The following AMPH variants were observed in gnomAD, a reference collection of about 807,000 sequenced individuals.
AMPH encodes amphiphysin.
Under a neutral mutation model 99.1 loss-of-function variants are expected in AMPH, and 49 were observed. The ratio of observed to expected loss-of-function variants is 0.49; its 90% confidence interval spans 0.39 to 0.63. The LOEUF is 0.63. Among genes scored for constraint, AMPH ranks in the 20% least tolerant of loss-of-function variants. The pLI is 0.00. For missense variants in AMPH, 759 were observed against 863.4 expected (o/e 0.88, Z 1.52); for synonymous variants, 314 against 317.3 (o/e 0.99, Z 0.11).
At chr7:38,439,018 G>T (rs766611436) in intron 11 of AMPH, among the ~76,000 whole-genome samples, 1 of 152,170 alleles carries the variant, frequency 6.6e-6, no homozygotes, top group African/African-American at 2.4e-5. Flanking sequence ...GGATCATGGG[G>T]GTAGTTTCCC....
chr7:38,464,018 A>G, intron 9 of AMPH: 1 of 1,268,768 alleles, frequency 7.9e-7, no homozygotes, highest in Non-Finnish European at 1.0e-6. Flanking sequence ...GTCATATGCC[A>G]GCAATCATGG....
chr7:38,584,773 A>G (rs1319901501), intron 1 of AMPH, among the ~76,000 whole-genome samples: 3 of 152,234 alleles, frequency 2.0e-5, no homozygotes, highest in African/African-American at 7.2e-5. Context: ...GCCTGATTCC[A>G]TCACTGCCTC....
Position 38,454,370 on chromosome 7 carries a change from A to T in AMPH, c.1017+6913T>A, listed in dbSNP as rs1429650824. ...ATGTACTCAGTAATTATAGTACTGC[A>T]TTAGCACCTCTTGTAAAATGTAAAT... On this transcript the variant is annotated intron_variant, in intron 11 of 20. Coordinates refer to ENST00000356264, the MANE Select transcript of AMPH (RefSeq NM_001635.4). 2.0e-5 allele frequency among the ~76,000 whole-genome samples: 3 copies of T among 152,336 alleles called. No individual in the cohort carries two copies. In the East Asian group the frequency reaches 5.8e-4, roughly 29 times the overall value.
In AMPH at chr7:38,631,360, G is replaced by A; in HGVS notation, c.-9C>T. ...GTCTTGATGTCGGCCATGGCTGCGG[G>A]TCCGGGGAGCTGCGAAGAGCAGAGC... On this transcript the variant is annotated 5_prime_UTR_variant, in exon 1 of 21. Coordinates refer to ENST00000356264, the MANE Select transcript of AMPH (RefSeq NM_001635.4). 6.5e-7 allele frequency: 1 copy of A among 1,546,182 alleles called. No individual in the cohort carries two copies. The highest frequency in any genetic ancestry group is 8.7e-7 in the Non-Finnish European group (1 of 1,147,448).
At chr7:38,580,572 T>C (rs61683273) in intron 1 of AMPH, among the ~76,000 whole-genome samples, 42,633 of 151,698 alleles carry the variant, frequency 0.28, 6,381 homozygotes, top group Non-Finnish European at 0.34. Flanking sequence ...TGGACCAGAT[T>C]TGTAGCTGGC....
chr7:38,445,940 C>T (rs1584102701), intron 11 of AMPH, among the ~76,000 whole-genome samples: 1 of 135,790 alleles, frequency 7.4e-6, no homozygotes, highest in East Asian at 2.3e-4. Flanking sequence ...TTACACCTCC[C>T]TCCTCTCTCT....
At chr7:38,613,272 T>A (rs1365093137) in intron 1 of AMPH, among the ~76,000 whole-genome samples, 1 of 151,920 alleles carries the variant, frequency 6.6e-6, no homozygotes, top group African/African-American at 2.4e-5. Flanking sequence ...AGTCACCCTT[T>A]CTAAAACGTC....
intron 1 of AMPH, among the ~76,000 whole-genome samples, chr7:38,584,490 T>C (rs1036490992): frequency 6.6e-6 from 1 of 152,208 alleles, no homozygotes; most frequent in Admixed American, 6.5e-5. Context: ...TACTACCACC[T>C]AACACCGTCC....
chr7:38,402,647 C>G (rs1784873648), intron 17 of AMPH, among the ~76,000 whole-genome samples: 1 of 152,146 alleles, frequency 6.6e-6, no homozygotes. Flanking sequence ...GCAGCAGGCC[C>G]CAAATGGCCT....
At chr7:38,416,102 A>ATATATATATATATATATATATATATATAT in intron 17 of AMPH, among the ~76,000 whole-genome samples, 1 of 100,510 alleles carries the variant, frequency 9.9e-6, no homozygotes, top group Admixed American at 1.1e-4. Flanking sequence ...CAAACATATG[A>ATATATATATATATATATATATATATATAT]ATATATATAT....
intron 1 of AMPH, among the ~76,000 whole-genome samples, chr7:38,549,188 G>C (rs1185534487): frequency 6.6e-6 from 1 of 152,176 alleles, no homozygotes; most frequent in South Asian, 2.1e-4. Flanking sequence ...TGTATCAAAA[G>C]GGCAGAAGTT....
intron 1 of AMPH, among the ~76,000 whole-genome samples, chr7:38,587,938 G>A (rs962093941): frequency 6.7e-6 from 1 of 148,894 alleles, no homozygotes; most frequent in Non-Finnish European, 1.5e-5. Context: ...GTGTGTGTGT[G>A]TGTGTGTGTG....
At chr7:38,549,962 T>A (rs981343217) in intron 1 of AMPH, among the ~76,000 whole-genome samples, 4 of 152,256 alleles carry the variant, frequency 2.6e-5, no homozygotes, top group Admixed American at 6.5e-5. Flanking sequence ...CTCCTGTGTA[T>A]CTGTTAAAGC....
At chr7:38,437,376 G>A (rs1017318343) in intron 11 of AMPH, among the ~76,000 whole-genome samples, 4 of 151,942 alleles carry the variant, frequency 2.6e-5, no homozygotes, top group African/African-American at 4.8e-5. Flanking sequence ...AAATTGAAAC[G>A]TCAAACCAAT....
At chr7:38,561,490 C>G (rs757539879) in intron 1 of AMPH, among the ~76,000 whole-genome samples, 5 of 152,126 alleles carry the variant, frequency 3.3e-5, no homozygotes, top group Non-Finnish European at 7.3e-5. Flanking sequence ...AGAAAGAGGG[C>G]GAAATGCTGG....
chr7:38,463,260 G>C (rs1787526523), intron 9 of AMPH, 147 bp from the exon 10 acceptor site: 3 of 1,027,636 alleles, frequency 2.9e-6, no homozygotes, highest in Non-Finnish European at 4.5e-6. Context: ...CTGGTTAATT[G>C]CAACAGTGAT....
chr7:38,531,396 T>C, intron 2 of AMPH: 1 of 152,182 alleles, frequency 6.6e-6, no homozygotes, highest in Non-Finnish European at 1.5e-5. Context: ...CTACAGCAAT[T>C]GGGAGTCCAA....
At chr7:38,521,403 C>T (rs1337539454) in intron 2 of AMPH, among the ~76,000 whole-genome samples, 1 of 152,132 alleles carries the variant, frequency 6.6e-6, no homozygotes, top group African/African-American at 2.4e-5. Flanking sequence ...CACCTGTAAT[C>T]CCACCTACTC....
intron 17 of AMPH, among the ~76,000 whole-genome samples, chr7:38,402,663 C>T (rs1189555108): frequency 1.3e-5 from 2 of 152,166 alleles, no homozygotes; most frequent in Non-Finnish European, 2.9e-5. Flanking sequence ...GGCCTGGATG[C>T]TTCAGAAAGG....
Sources: allele counts gnomAD v4.1 joint callset (sites outside exome capture counted in the v4.1 genomes callset), GRCh38; gene constraint gnomAD v4.1.1; transcripts MANE v1.5; gene names NCBI Gene and HGNC (gene_info 2026-07-23, HGNC 2026-07-21).